The following PRDM1 variants were observed in gnomAD, a reference collection of about 807,000 sequenced individuals.
PRDM1 encodes the protein PR domain zinc finger protein 1.
PRDM1 carries 13 observed loss-of-function variants against 62.8 expected under a neutral mutation model. That is an observed-to-expected ratio of 0.21 (90% CI 0.13 to 0.33). The LOEUF (loss-of-function observed/expected upper bound fraction) is 0.33, where lower values mean the gene tolerates loss of function less well. Ranked by LOEUF, PRDM1 falls within the 10% of genes least tolerant of loss-of-function variation. The pLI, the probability that PRDM1 is intolerant of heterozygous loss-of-function variation, is 1.00. For missense variants in PRDM1, 895 were observed against 1,058.8 expected, an observed-to-expected ratio of 0.85 and a Z score of 2.15; for synonymous variants, 396 against 417.6, an observed-to-expected ratio of 0.95 and a Z score of 0.63.
chr6:106,024,831 G>A (rs1772744614), intron 1 of PRDM1, among the ~76,000 whole-genome samples: 1 of 151,950 alleles, frequency 6.6e-6, no homozygotes, highest in African/African-American at 2.4e-5. Flanking sequence ...TTTTTCCTTA[G>A]CCATCAGATT....
chr6:106,017,871 CA>C lies in PRDM1; in HGVS notation c.-67+24233del, dbSNP rs1474938673. 2.0e-5 allele frequency among the ~76,000 whole-genome samples: 3 copies of C among 152,010 alleles called. No individual in the cohort carries two copies. The East Asian group carries it at 5.8e-4, about 29-fold the overall frequency. Reference sequence around the variant, plus strand: ...ATAAAGCCTGGGGTGGGCTGAGGGTCAGGGGGAGTGTGGGTGGGAAAGTTCT... The same window carrying C: ...ATAAAGCCTGGGGTGGGCTGAGGGTCGGGGGAGTGTGGGTGGGAAAGTTCT... On this transcript the variant is annotated intron_variant, in intron 1 of 6. Coordinates refer to the PRDM1 transcript ENST00000652320.
chr6:106,088,489 G>A lies in PRDM1; in HGVS notation c.291+40G>A, dbSNP rs558714572. ...TATTGACAAGAAGATTGGGGACCTG[G>A]TGCCAAATCTCCCTACTTGCCCTTG... On this transcript the variant is annotated intron_variant, in intron 2 of 6. Coordinates refer to ENST00000369096, the MANE Select transcript of PRDM1 (RefSeq NM_001198.4). 7 of 1,612,322 alleles carry A rather than the reference G, an allele frequency of 4.3e-6. No homozygotes were observed. The African/African-American group carries it at 9.3e-5, about 22-fold the overall frequency.
At chr6:106,016,843 G>A (rs531447288) in intron 1 of PRDM1, among the ~76,000 whole-genome samples, 3 of 152,042 alleles carry the variant, frequency 2.0e-5, no homozygotes, top group East Asian at 1.9e-4. Flanking sequence ...TAGTAGAGAC[G>A]GGGTTTCAAC....
Position 106,105,901 on chromosome 6 carries a change from G to A in PRDM1, c.1741G>A (p.Ala581Thr), listed in dbSNP as rs941078758. The A allele has an allele frequency of 2.5e-6, 4 of 1,613,760 alleles. No individual in the cohort carries two copies. The highest frequency in any genetic ancestry group is 1.1e-5 in the South Asian group (1 of 91,070). The change falls in exon 5 of 7, where the codon GCC becomes ACC. Residue 581 changes from alanine (A) to threonine (T), a missense_variant. Ala to Thr is a moderately conservative substitution (Grantham distance 58). Coordinates refer to ENST00000369096, the MANE Select transcript of PRDM1 (RefSeq NM_001198.4). Reference protein sequence around the residue: ...GKIKYECNVCAKTFGQLSNLK... With the variant: ...GKIKYECNVCTKTFGQLSNLK... ...GATCAAGTACGAATGCAACGTTTGCGCCAAGACTTTCGGCCAGCTCTCCAA... is the reference window on the plus strand; with the variant it reads ...GATCAAGTACGAATGCAACGTTTGCACCAAGACTTTCGGCCAGCTCTCCAA...
chr6:106,087,451 G>A (rs1011359517), intron 1 of PRDM1: 1 of 231,644 alleles, frequency 4.3e-6, no homozygotes, highest in African/African-American at 2.2e-5. Context: ...TTTTCAATTT[G>A]GTATGAGATG....
intron 1 of PRDM1, among the ~76,000 whole-genome samples, chr6:106,043,026 T>C (rs1407423065): frequency 4.6e-5 from 7 of 152,142 alleles, no homozygotes; most frequent in African/African-American, 1.7e-4. Context: ...AATTTTTGTA[T>C]TTTTAGTAGA....
At chr6:106,030,940 C>G (rs1411553017) in intron 1 of PRDM1, among the ~76,000 whole-genome samples, 1 of 150,526 alleles carries the variant, frequency 6.6e-6, no homozygotes, top group Non-Finnish European at 1.5e-5. Context: ...GAAGAATATG[C>G]CTAAAGAAGT....
rs1348861229 is a variant in PRDM1 at position 106,031,247 on chromosome 6, AC to A, written c.-67+37609del. 7.9e-5 allele frequency among the ~76,000 whole-genome samples: 12 copies of A among 152,350 alleles called. No homozygotes were observed. In the East Asian group the frequency reaches 1.3e-3, roughly 17 times the overall value. The stretch of plus-strand genomic sequence containing the variant: ...AATAACTTTTGCCCACATGGAACTT[AC>A]AGCAGCTTGAGATGTACAGAAAAGT... On this transcript the variant is annotated intron_variant, in intron 1 of 6. Transcript: ENST00000652320.
intron 1 of PRDM1, among the ~76,000 whole-genome samples, chr6:106,063,051 G>A (rs1287793172): frequency 2.0e-5 from 3 of 152,140 alleles, no homozygotes; most frequent in African/African-American, 7.2e-5. Context: ...CTTTCGTTGT[G>A]TTGTTTTCCT....
At position 106,107,766 on chromosome 6, in the gene PRDM1, A is replaced by G. The variant is rs1774545178; in HGVS notation, c.*280A>G. 4.4e-6 allele frequency: 1 copy of G among 228,806 alleles called. No homozygotes were observed. The highest frequency in any genetic ancestry group is 8.6e-6 in the Non-Finnish European group (1 of 116,020). The allele number at this position is 228,806 out of a possible 1,614,324, so 14.2% of individuals were successfully genotyped here. A position where few individuals can be genotyped will look rare whatever the true frequency, so the allele number is the denominator to read the frequency against. On this transcript the variant is annotated 3_prime_UTR_variant, in exon 7 of 7. Coordinates refer to ENST00000369096, the MANE Select transcript of PRDM1 (RefSeq NM_001198.4). ...ATATTTGCCCCTGTGTATTTTGAAT[A>G]TTTGTGTGGACATGTTTGCATAGCC...
intron 1 of PRDM1, among the ~76,000 whole-genome samples, chr6:105,995,320 T>C (rs75964032): frequency 1.3e-5 from 2 of 152,194 alleles, no homozygotes; most frequent in Non-Finnish European, 2.9e-5. Context: ...CTCATAAGGC[T>C]TTTTTTCTTT....
At chr6:106,054,985 G>A (rs1261473376) in intron 1 of PRDM1, among the ~76,000 whole-genome samples, 2 of 152,138 alleles carry the variant, frequency 1.3e-5, no homozygotes, top group Non-Finnish European at 2.9e-5. Flanking sequence ...TCTCTAGCAT[G>A]AATACTGGCA....
At chr6:106,066,859 C>G (rs1279227146) in intron 1 of PRDM1, among the ~76,000 whole-genome samples, 1 of 152,112 alleles carries the variant, frequency 6.6e-6, no homozygotes, top group African/African-American at 2.4e-5. Flanking sequence ...CAACACTGTT[C>G]TTTATTATAA....
At chr6:106,070,194 T>C (rs1003512231) in intron 1 of PRDM1, among the ~76,000 whole-genome samples, 2 of 152,244 alleles carry the variant, frequency 1.3e-5, no homozygotes, top group African/African-American at 4.8e-5. Flanking sequence ...CTGACTTCAT[T>C]AAGACTAATT....
chr6:106,012,088 CCA>C (rs1299117887), intron 1 of PRDM1, among the ~76,000 whole-genome samples: 1 of 142,118 alleles, frequency 7.0e-6, no homozygotes, highest in Non-Finnish European at 1.5e-5. Context: ...CACAAACATA[CCA>C]CACACACCAC....
intron 1 of PRDM1, among the ~76,000 whole-genome samples, chr6:106,041,395 T>C (rs1267917862): frequency 6.6e-6 from 1 of 152,208 alleles, no homozygotes; most frequent in Non-Finnish European, 1.5e-5. Flanking sequence ...AAATAATGAT[T>C]AAGAAAAAAG....
At chr6:106,068,845 G>A (rs1006516365) in intron 1 of PRDM1, among the ~76,000 whole-genome samples, 3 of 152,212 alleles carry the variant, frequency 2.0e-5, no homozygotes, top group South Asian at 2.1e-4. Context: ...AACTTTTTTA[G>A]GAATTTGGGC....
rs79624385 is a variant in PRDM1 at position 106,055,393 on chromosome 6, A to G, written c.-67+6679A>G. Among the ~76,000 whole-genome samples the G allele has an allele frequency of 7.8e-3, 1,183 of 152,330 alleles. 34 individuals are homozygous for G. The highest frequency in any genetic ancestry group is 0.061 in the East Asian group (317 of 5,182). ...CATGAGAGATATTATTAATCGGATC[A>G]GGGCCTAGCATGTGATTAGTAGCCT... On this transcript the variant is annotated intron_variant, in intron 1 of 6. Transcript: ENST00000651185.
chr6:106,009,579 A>G (rs1467418760), intron 1 of PRDM1, among the ~76,000 whole-genome samples: 1 of 152,028 alleles, frequency 6.6e-6, no homozygotes, highest in Non-Finnish European at 1.5e-5. Context: ...ACATGGGGGG[A>G]AAACTGTATC....
Sources: gnomAD v4.1 joint callset for allele counts (sites outside exome capture counted in the v4.1 genomes callset) on GRCh38, gnomAD v4.1.1 for gene constraint, MANE v1.5 for transcripts, NCBI Gene and HGNC (gene_info 2026-07-23, HGNC 2026-07-21) for gene names.